Variants in COPS7B observed in about 807,000 individuals in gnomAD.
The protein encoded by COPS7B is COP9 signalosome subunit 7B.
Under a neutral mutation model 33.4 loss-of-function variants are expected in COPS7B, and 9 were observed. The observed-to-expected ratio is 0.27, with a 90% CI of 0.16 to 0.47. The LOEUF is 0.47. Ranked by LOEUF, COPS7B falls within the 20% of genes least tolerant of loss-of-function variation. The probability of loss-of-function intolerance (pLI) is 0.99; values close to 1 mark genes in which losing one functional copy is unlikely to be tolerated. For synonymous variants in COPS7B, 119 were observed against 126.3 expected (o/e 0.94, Z 0.39); for missense variants, 242 against 318.2 (o/e 0.76, Z 1.82).
chr2:231,787,738 C>G (rs1403071683), intron 1 of COPS7B, among the ~76,000 whole-genome samples: 2 of 152,160 alleles, frequency 1.3e-5, no homozygotes, highest in Admixed American at 6.5e-5. Flanking sequence ...TCTGTGCTTA[C>G]TTGACTTGAT....
intron 6 of COPS7B, chr2:231,801,017 A>G (rs2106337978): frequency 1.3e-6 from 1 of 791,976 alleles, no homozygotes; most frequent in East Asian, 2.7e-5. Context: ...GAAATCTACA[A>G]AGAATCAGGG....
intron 3 of COPS7B, 135 bp from the exon 4 acceptor site, chr2:231,794,128 G>T: frequency 1.7e-6 from 1 of 585,418 alleles, no homozygotes; most frequent in Non-Finnish European, 3.0e-6. Context: ...AGGAATATTT[G>T]TCAAATGAAT....
At chr2:231,792,586 A>G (rs1373804542) in intron 3 of COPS7B, among the ~76,000 whole-genome samples, 1 of 152,198 alleles carries the variant, frequency 6.6e-6, no homozygotes, top group African/African-American at 2.4e-5. Flanking sequence ...TTTGTATTAC[A>G]TAGGTACAAC....
intron 6 of COPS7B, chr2:231,801,311 T>G: frequency 6.6e-7 from 1 of 1,515,822 alleles, no homozygotes; most frequent in Non-Finnish European, 8.9e-7. Context: ...ATAACCCATA[T>G]TAGTTCCTAG....
chr2:231,781,994 C>A, upstream of COPS7B: 3 of 1,046,798 alleles, frequency 2.9e-6, no homozygotes, highest in Non-Finnish European at 4.2e-6. Context: ...ACATGTATTT[C>A]AGGGTTTTTT....
chr2:231,792,579 G>A (rs981034638), intron 3 of COPS7B, among the ~76,000 whole-genome samples: 3 of 152,086 alleles, frequency 2.0e-5, no homozygotes, highest in African/African-American at 7.2e-5. Context: ...TTTGTGTTTT[G>A]TATTACATAG....
At chr2:231,783,154 G>A (rs2049168833), upstream of COPS7B, among the ~76,000 whole-genome samples, 1 of 152,136 alleles carries the variant, frequency 6.6e-6, no homozygotes, top group South Asian at 2.1e-4. Context: ...GTATTCTGTT[G>A]TATGTTTATA....
chr2:231,798,176 T>G (rs2049629769), intron 5 of COPS7B, among the ~76,000 whole-genome samples: 2 of 151,420 alleles, frequency 1.3e-5, no homozygotes, highest in Admixed American at 1.3e-4. Flanking sequence ...CATGAGCCAC[T>G]GCGCCTGGCC....
upstream of COPS7B, chr2:231,781,803 C>G: frequency 6.5e-7 from 1 of 1,549,110 alleles, no homozygotes; most frequent in Non-Finnish European, 8.7e-7. Context: ...ACGGGAAGAC[C>G]CTTCTCACCC....
upstream of COPS7B, among the ~76,000 whole-genome samples, chr2:231,782,416 A>C (rs1184312216): frequency 6.6e-6 from 1 of 152,186 alleles, no homozygotes; most frequent in Non-Finnish European, 1.5e-5. Context: ...GGTGACATTT[A>C]ATGTGATTTC....
chr2:231,796,714 A>G (rs1229555320), intron 5 of COPS7B, among the ~76,000 whole-genome samples: 1 of 152,130 alleles, frequency 6.6e-6, no homozygotes, highest in Non-Finnish European at 1.5e-5. Context: ...TATTTTTTCT[A>G]TCCCTGTTGA....
At chr2:231,782,301 G>T (rs1488530300), upstream of COPS7B, among the ~76,000 whole-genome samples, 1 of 152,224 alleles carries the variant, frequency 6.6e-6, no homozygotes, top group Admixed American at 6.5e-5. Context: ...GAAACACCCA[G>T]AATTAGGTAG....
At chr2:231,796,079 A>G (rs746213114) in intron 4 of COPS7B, 27 bp from the exon 5 acceptor site, 10 of 1,603,086 alleles carry the variant, frequency 6.2e-6, no homozygotes, top group Non-Finnish European at 8.5e-6. Flanking sequence ...GATGGTTTTT[A>G]TAATGATCAC....
chr2:231,788,748 A>G lies in COPS7B; in HGVS notation c.162+16A>G. The G allele has an allele frequency of 6.2e-7, 1 of 1,605,496 alleles. No individual in the cohort carries two copies. The highest frequency in any genetic ancestry group is 8.5e-7 in the Non-Finnish European group (1 of 1,176,964). On this transcript the variant is annotated intron_variant, in intron 2 of 6. Coordinates refer to ENST00000350033, the MANE Select transcript of COPS7B (RefSeq NM_022730.4). ...CGTGCAGGAGGTAAGAACGGTTTGC[A>G]AACAATTTCTCTTTATTCTAAGACT...
At chr2:231,791,628 A>G (rs78449488) in intron 2 of COPS7B, 105 bp from the exon 3 acceptor site, 1 of 924,334 alleles carries the variant, frequency 1.1e-6, no homozygotes, top group African/African-American at 1.6e-5. Flanking sequence ...AGTACAGAAT[A>G]AACAGCCATG....
At chr2:231,790,411 C>T (rs1183059807) in intron 2 of COPS7B, 1 of 152,194 alleles carries the variant, frequency 6.6e-6, no homozygotes, top group African/African-American at 2.4e-5. Context: ...GTTTCTTCCC[C>T]TTCTGATTCA....
chr2:231,798,776 A>G (rs1322908561), intron 5 of COPS7B, 83 bp from the exon 6 acceptor site: 3 of 1,085,170 alleles, frequency 2.8e-6, no homozygotes, highest in Non-Finnish European at 4.2e-6. Flanking sequence ...TACTGGGGAG[A>G]GCTGTTGGGG....
chr2:231,792,870 C>T (rs1038341444), intron 3 of COPS7B, among the ~76,000 whole-genome samples: 18 of 152,142 alleles, frequency 1.2e-4, no homozygotes, highest in African/African-American at 2.9e-4. Context: ...GCCTTCGCTG[C>T]GATATCCCTG....
chr2:231,796,926 C>G (rs2049588853), intron 5 of COPS7B, among the ~76,000 whole-genome samples: 1 of 152,166 alleles, frequency 6.6e-6, no homozygotes, highest in Non-Finnish European at 1.5e-5. Flanking sequence ...TGTGTTTTCT[C>G]TGTTTTAATG....
Sources: gnomAD v4.1 joint callset for allele counts (sites outside exome capture counted in the v4.1 genomes callset) on GRCh38, gnomAD v4.1.1 for gene constraint, MANE v1.5 for transcripts, NCBI Gene and HGNC (gene_info 2026-07-23, HGNC 2026-07-21) for gene names.